The following NAALADL2 variants were observed in gnomAD, a reference collection of about 807,000 sequenced individuals.
The protein encoded by NAALADL2 is N-acetylated alpha-linked acidic dipeptidase like 2, also known as inactive N-acetylated-alpha-linked acidic dipeptidase-like protein 2.
In NAALADL2, 76 loss-of-function variants were observed where a neutral mutation model predicts 87.2. The ratio of observed to expected loss-of-function variants is 0.87; its 90% CI spans 0.72 to 1.05. The LOEUF is 1.05. NAALADL2 is among the 50% of genes least tolerant of loss of function. The probability of loss-of-function intolerance (pLI) is 0.00; values close to 1 mark genes in which losing one functional copy is unlikely to be tolerated. For missense variants in NAALADL2, 1,089 were observed against 945.8 expected (o/e 1.15, Z -1.99); for synonymous variants, 354 against 331.0 (o/e 1.07, Z -0.75).
intron 6 of NAALADL2, among the ~76,000 whole-genome samples, chr3:175,456,460 C>T (rs764096478): frequency 4.0e-5 from 6 of 151,590 alleles, no homozygotes; most frequent in Admixed American, 1.3e-4. Context: ...TTTTTAACTA[C>T]CAATACACAC....
At chr3:174,651,772 A>G (rs970158211) in intron 2 of NAALADL2, among the ~76,000 whole-genome samples, 1 of 152,224 alleles carries the variant, frequency 6.6e-6, no homozygotes, top group African/African-American at 2.4e-5. Flanking sequence ...CTGCCCACTC[A>G]AAGTTTGAAT....
chr3:174,995,938 TTTCACTTAC>T (rs1249185375), intron 1 of NAALADL2, among the ~76,000 whole-genome samples: 12 of 152,276 alleles, frequency 7.9e-5, no homozygotes, highest in Non-Finnish European at 2.9e-5. Flanking sequence ...CTGGAGACAG[TTTCACTTAC>T]TATGTGTCCA....
At chr3:175,781,712 TTTTA>T (rs1404122143) in intron 13 of NAALADL2, among the ~76,000 whole-genome samples, 5 of 151,910 alleles carry the variant, frequency 3.3e-5, no homozygotes, top group African/African-American at 1.2e-4. Context: ...CTTTTATTTT[TTTTA>T]TTTTTTTATT....
intron 2 of NAALADL2, among the ~76,000 whole-genome samples, chr3:174,562,453 GA>G (rs1713740228): frequency 6.6e-6 from 1 of 152,070 alleles, no homozygotes; most frequent in Admixed American, 6.6e-5. Flanking sequence ...TGAAAAATAA[GA>G]AAAATTTTTT....
At chr3:175,258,839 A>G (rs763482964) in intron 4 of NAALADL2, among the ~76,000 whole-genome samples, 4 of 152,190 alleles carry the variant, frequency 2.6e-5, no homozygotes, top group South Asian at 2.1e-4. Flanking sequence ...AAATAAATAC[A>G]AAAATAAATT....
intron 9 of NAALADL2, among the ~76,000 whole-genome samples, chr3:175,565,954 C>T (rs542395524): frequency 3.1e-4 from 47 of 151,490 alleles, no homozygotes; most frequent in Admixed American, 2.3e-3. Context: ...CTCAGCCTCC[C>T]GAGCAGCTGA....
At chr3:175,608,759 G>A (rs1724143387) in intron 10 of NAALADL2, among the ~76,000 whole-genome samples, 1 of 152,112 alleles carries the variant, frequency 6.6e-6, no homozygotes, top group Non-Finnish European at 1.5e-5. Context: ...TCCATCACAA[G>A]CTTAGTGAAT....
chr3:174,456,237 A>T (rs946528653), intron 1 of NAALADL2, among the ~76,000 whole-genome samples: 1 of 152,112 alleles, frequency 6.6e-6, no homozygotes, highest in Non-Finnish European at 1.5e-5. Flanking sequence ...AGAACATTCC[A>T]TGCTTATGGA....
chr3:175,354,796 A>G (rs1357358654), intron 5 of NAALADL2, among the ~76,000 whole-genome samples: 3 of 150,900 alleles, frequency 2.0e-5, no homozygotes, highest in African/African-American at 4.9e-5. Context: ...TGGAATTACA[A>G]TGTGTGCCAC....
At chr3:174,765,759 A>T (rs890875347) in intron 3 of NAALADL2, among the ~76,000 whole-genome samples, 2 of 152,216 alleles carry the variant, frequency 1.3e-5, no homozygotes, top group Non-Finnish European at 2.9e-5. Flanking sequence ...AAATGATAAC[A>T]TGAGAAAGTG....
intron 4 of NAALADL2, among the ~76,000 whole-genome samples, chr3:175,321,235 C>A (rs1472358605): frequency 2.1e-5 from 3 of 145,276 alleles, no homozygotes; most frequent in African/African-American, 7.6e-5. Flanking sequence ...AAGACAAAAA[C>A]CACATGATTA....
At chr3:175,103,579 T>C (rs1560030882) in intron 2 of NAALADL2, among the ~76,000 whole-genome samples, 1 of 152,128 alleles carries the variant, frequency 6.6e-6, no homozygotes, top group African/African-American at 2.4e-5. Flanking sequence ...CTCAGAATCC[T>C]TCTCCACCCA....
chr3:175,695,288 A>G (rs1252510934), intron 11 of NAALADL2, among the ~76,000 whole-genome samples: 2 of 152,150 alleles, frequency 1.3e-5, no homozygotes, highest in African/African-American at 2.4e-5. Flanking sequence ...GCTAAAGTTT[A>G]TTTTTCCAAT....
rs117168354 is a variant in NAALADL2 at position 174,722,723 on chromosome 3, A to T, written c.-114-14918A>T. On this transcript the variant is annotated intron_variant, in intron 2 of 3. Transcript: ENST00000434257. ...TCCCAAATAAATAATTAAATAAGGT[A>T]GGATGGAAATATTTAAAAATTGTTA... is the stretch of plus-strand genomic sequence containing the variant. Among the ~76,000 whole-genome samples, 71 of 152,350 alleles carry T rather than the reference A, an allele frequency of 4.7e-4. No individual in the cohort carries two copies. The East Asian group carries it at 0.014, about 29-fold the overall frequency.
chr3:175,753,908 C>T (rs9872462), intron 12 of NAALADL2, among the ~76,000 whole-genome samples: 27,586 of 152,074 alleles, frequency 0.18, 3,128 homozygotes, highest in African/African-American at 0.32. Context: ...GGTTATCCAG[C>T]TCTACTTTCC....
intron 2 of NAALADL2, among the ~76,000 whole-genome samples, chr3:174,619,045 T>C (rs1720751512): frequency 6.6e-6 from 1 of 151,896 alleles, no homozygotes; most frequent in Non-Finnish European, 1.5e-5. Flanking sequence ...TGGTTCAAAT[T>C]AACATCAACA....
At chr3:175,083,412 C>A (rs1463072820) in intron 1 of NAALADL2, among the ~76,000 whole-genome samples, 5 of 152,188 alleles carry the variant, frequency 3.3e-5, no homozygotes, top group Non-Finnish European at 7.4e-5. Context: ...CGTTAACCAA[C>A]TTTTATTCAT....
Position 175,575,208 on chromosome 3 carries a change from T to G in NAALADL2, c.1654-833T>G, listed in dbSNP as rs377660731. Reference sequence around the variant, plus strand: ...CACTGTAGTTGTTGGCATATAATTTTAAAACATCTAGGAATATGCTTTCAG... The same window carrying G: ...CACTGTAGTTGTTGGCATATAATTTGAAAACATCTAGGAATATGCTTTCAG... On this transcript the variant is annotated intron_variant, in intron 9 of 13. Coordinates refer to ENST00000454872, the MANE Select transcript of NAALADL2 (RefSeq NM_207015.3). 5.3e-5 allele frequency among the ~76,000 whole-genome samples: 8 copies of G among 152,306 alleles called. No homozygotes were observed. The East Asian group carries it at 1.2e-3, about 22-fold the overall frequency.
At chr3:175,582,270 A>T (rs1719900025) in intron 10 of NAALADL2, among the ~76,000 whole-genome samples, 1 of 152,152 alleles carries the variant, frequency 6.6e-6, no homozygotes, top group Admixed American at 6.6e-5. Flanking sequence ...ACACAAATGG[A>T]TAATTTAAAA....
Sources: allele counts gnomAD v4.1 joint callset (sites outside exome capture counted in the v4.1 genomes callset), GRCh38; gene constraint gnomAD v4.1.1; transcripts MANE v1.5; gene names NCBI Gene and HGNC (gene_info 2026-07-23, HGNC 2026-07-21).